The following USP32 variants were observed in gnomAD, a reference collection of about 807,000 sequenced individuals.
USP32 encodes ubiquitin specific peptidase 32, also known as ubiquitin carboxyl-terminal hydrolase 32.
A neutral mutation model predicts 204.8 loss-of-function variants in USP32; 59 were observed. That is an observed-to-expected ratio of 0.29 (90% CI 0.23 to 0.36). The LOEUF (loss-of-function observed/expected upper bound fraction) is 0.36, where lower values mean the gene tolerates loss of function less well. USP32 is among the 10% of genes least tolerant of loss of function. The pLI is 1.00. For synonymous variants in USP32, 517 were observed against 678.4 expected, an observed-to-expected ratio of 0.76 and a Z score of 3.70; for missense variants, 1,160 against 1,946.4, an observed-to-expected ratio of 0.60 and a Z score of 7.60.
chr17:60,403,662 T>C (rs1170692373), intron 1 of USP32, among the ~76,000 whole-genome samples: 2 of 151,724 alleles, frequency 1.3e-5, no homozygotes, highest in African/African-American at 4.8e-5. Context: ...GGAAAGGGGG[T>C]CGTGATGTAT....
At chr17:60,292,052 G>A (rs2087292417) in intron 4 of USP32, among the ~76,000 whole-genome samples, 1 of 151,726 alleles carries the variant, frequency 6.6e-6, no homozygotes, top group Non-Finnish European at 1.5e-5. Flanking sequence ...CAAATTTAAT[G>A]ATCACTTCTC....
chr17:60,406,254 C>T (rs562633008), intron 1 of USP32, among the ~76,000 whole-genome samples: 1 of 151,740 alleles, frequency 6.6e-6, no homozygotes, highest in East Asian at 1.9e-4. Flanking sequence ...TCTCAGCTCA[C>T]TGCAACCTCC....
chr17:60,207,949 T>C lies in USP32; in HGVS notation c.2925+110A>G. 4.9e-6 allele frequency: 7 copies of C among 1,431,564 alleles called. No individual in the cohort carries two copies. The South Asian group carries it at 7.0e-5, about 14-fold the overall frequency. The allele number at this position is 1,431,564 out of a possible 1,614,324, so 88.7% of individuals were successfully genotyped here. Reference sequence around the variant, plus strand: ...TGTTGTTGTTGTTCAGTTTTCGTTATGTTTTAGTATCTCTCTTGGTCACAT... The same window carrying C: ...TGTTGTTGTTGTTCAGTTTTCGTTACGTTTTAGTATCTCTCTTGGTCACAT... On this transcript the variant is annotated intron_variant, in intron 24 of 33. Coordinates refer to ENST00000300896, the MANE Select transcript of USP32 (RefSeq NM_032582.4).
chr17:60,240,822 A>G (rs1421223981), intron 11 of USP32, among the ~76,000 whole-genome samples: 3 of 152,172 alleles, frequency 2.0e-5, no homozygotes, highest in Non-Finnish European at 4.4e-5. Flanking sequence ...ATATGCCTCA[A>G]TTAAAATATT....
intron 3 of USP32, among the ~76,000 whole-genome samples, chr17:60,296,429 C>G (rs1399607230): frequency 6.6e-6 from 1 of 152,090 alleles, no homozygotes; most frequent in East Asian, 1.9e-4. Flanking sequence ...GGGATTAGAA[C>G]GATATAGCTG....
chr17:60,192,781 GA>G, intron 28 of USP32, 62 bp downstream of exon 28: 2 of 1,573,828 alleles, frequency 1.3e-6, no homozygotes, highest in South Asian at 1.1e-5. Context: ...GAAATCTTAT[GA>G]AAACTGTATA....
chr17:60,294,709 C>A lies in USP32; in HGVS notation c.385G>T (p.Asp129Tyr). The change falls in exon 4 of 34, where the codon GAT becomes TAT. Residue 129 changes from aspartate (D) to tyrosine (Y), a missense_variant. This residue lies in a region of USP32 where 536 missense variants were observed against 680.9 expected (regional missense o/e 0.79). Transcript: ENST00000300896. ...MLHVVDGKVP[D>Y]TLRKCFSEGE... ...TCTGAGAAACACTTCCTGAGTGTAT[C>A]TGGGACTTTACCATCCACCACGTGG... is the stretch of plus-strand genomic sequence containing the variant. 26 of 1,611,910 alleles carry A rather than the reference C, an allele frequency of 1.6e-5. No homozygotes were observed. The highest frequency in any genetic ancestry group is 2.2e-5 in the Non-Finnish European group (26 of 1,178,534).
chr17:60,309,610 A>G (rs992052862), intron 2 of USP32, among the ~76,000 whole-genome samples: 2 of 152,216 alleles, frequency 1.3e-5, no homozygotes, highest in African/African-American at 4.8e-5. Context: ...TAAAAAAAAT[A>G]AAGAAATGGG....
intron 12 of USP32, among the ~76,000 whole-genome samples, chr17:60,226,680 T>G (rs925595574): frequency 2.0e-5 from 3 of 152,176 alleles, no homozygotes; most frequent in African/African-American, 7.2e-5. Flanking sequence ...ATAACTGTGT[T>G]TTAGTTCTTA....
chr17:60,366,319 C>G (rs2089312616), intron 1 of USP32, among the ~76,000 whole-genome samples: 1 of 152,056 alleles, frequency 6.6e-6, no homozygotes, highest in African/African-American at 2.4e-5. Context: ...CCACCAGGCC[C>G]AGCTAATTTT....
At chr17:60,245,224 CT>C in intron 11 of USP32, 1 of 201,078 alleles carries the variant, frequency 5.0e-6, no homozygotes, top group South Asian at 7.5e-5. Flanking sequence ...TATTGGTGCT[CT>C]TTATTTTTTT....
intron 1 of USP32, among the ~76,000 whole-genome samples, chr17:60,380,465 A>C (rs59274485): frequency 0.044 from 6,735 of 152,154 alleles, 523 homozygotes; most frequent in African/African-American, 0.15. Context: ...CTGCTAGGGA[A>C]GCTGAAATAG....
At chr17:60,184,278 G>A (rs1435277374) in intron 30 of USP32, among the ~76,000 whole-genome samples, 1 of 147,902 alleles carries the variant, frequency 6.8e-6, no homozygotes, top group African/African-American at 2.5e-5. Flanking sequence ...TGGTGCCACT[G>A]CACTCCAGCC....
At chr17:60,365,163 T>A (rs866336725) in intron 1 of USP32, among the ~76,000 whole-genome samples, 8 of 152,166 alleles carry the variant, frequency 5.3e-5, no homozygotes, top group African/African-American at 1.9e-4. Context: ...TCTGATTTCA[T>A]AAATAAGCTT....
chr17:60,307,182 C>T (rs2087746458), intron 2 of USP32, among the ~76,000 whole-genome samples: 1 of 151,614 alleles, frequency 6.6e-6, no homozygotes, highest in Admixed American at 6.6e-5. Flanking sequence ...TCTCTGCAAA[C>T]TCAACCTCCC....
intron 2 of USP32, among the ~76,000 whole-genome samples, chr17:60,314,413 G>A (rs2087926809): frequency 6.6e-6 from 1 of 152,092 alleles, no homozygotes; most frequent in African/African-American, 2.4e-5. Flanking sequence ...AAAGTGCTGG[G>A]ATTACAGGGG....
chr17:60,233,201 G>A (rs1040438593), intron 12 of USP32, among the ~76,000 whole-genome samples: 1 of 152,076 alleles, frequency 6.6e-6, no homozygotes, highest in African/African-American at 2.4e-5. Flanking sequence ...CAAGAGTCTG[G>A]GTGCCTGTAA....
At chr17:60,183,102 G>A (rs2084154929) in intron 31 of USP32, 63 bp downstream of exon 31, 1 of 1,513,192 alleles carries the variant, frequency 6.6e-7, no homozygotes, top group Non-Finnish European at 8.8e-7. Context: ...ACAGAAGACA[G>A]AGAAACATAT....
chr17:60,193,746 A>G lies in USP32; in HGVS notation c.3435-816T>C, dbSNP rs543393116. Among the ~76,000 whole-genome samples the G allele has an allele frequency of 2.6e-5, 4 of 152,320 alleles. No homozygotes were observed. The South Asian group carries it at 8.3e-4, about 32-fold the overall frequency. Reference sequence around the variant, plus strand: ...ATTACATGGGCTATTGAAGGTAATGAAACCATGATAAAGAGTCACTGTAAG... The same window carrying G: ...ATTACATGGGCTATTGAAGGTAATGGAACCATGATAAAGAGTCACTGTAAG... On this transcript the variant is annotated intron_variant, in intron 27 of 33. Transcript: ENST00000300896.
Sources: allele counts gnomAD v4.1 joint callset (sites outside exome capture counted in the v4.1 genomes callset), GRCh38; gene constraint gnomAD v4.1.1; regional missense constraint gnomAD v4.1.1; transcripts MANE v1.5; gene names NCBI Gene and HGNC (gene_info 2026-07-23, HGNC 2026-07-21).